MYO1D: variants seen among roughly 807,000 people sequenced by gnomAD.
MYO1D encodes the protein myosin ID.
In MYO1D, 83 loss-of-function variants were observed where a neutral mutation model predicts 122.0. That is an observed-to-expected ratio of 0.68 (90% CI 0.57 to 0.82). The LOEUF (loss-of-function observed/expected upper bound fraction) is 0.82. Ranked by LOEUF, MYO1D falls within the 40% of genes least tolerant of loss-of-function variation. The pLI is 0.00. For synonymous variants in MYO1D, 464 were observed against 446.9 expected (o/e 1.04, Z -0.48); for missense variants, 1,157 against 1,269.5 (o/e 0.91, Z 1.35).
intron 1 of MYO1D, among the ~76,000 whole-genome samples, chr17:32,799,629 TTTC>T (rs1555543462): frequency 6.6e-6 from 1 of 151,922 alleles, no homozygotes; most frequent in African/African-American, 2.4e-5. Context: ...TGGGCAGTGA[TTTC>T]TTGGATATAA....
chr17:32,848,563 A>G (rs2470230), intron 1 of MYO1D, among the ~76,000 whole-genome samples: 61,449 of 152,112 alleles, frequency 0.4, 12,807 homozygotes, highest in East Asian at 0.53. Context: ...CAAGAAGACT[A>G]AATGTTTTGT....
chr17:32,858,262 A>G (rs947342241), intron 1 of MYO1D, among the ~76,000 whole-genome samples: 1 of 152,224 alleles, frequency 6.6e-6, no homozygotes, highest in Non-Finnish European at 1.5e-5. Context: ...GTTCCAAAAT[A>G]CAACTATCAA....
intron 19 of MYO1D, among the ~76,000 whole-genome samples, chr17:32,644,539 GT>G (rs1173842813): frequency 6.6e-6 from 1 of 152,164 alleles, no homozygotes; most frequent in African/African-American, 2.4e-5. Context: ...TTATTATTGT[GT>G]GGGAGTCTAA....
intron 3 of MYO1D, among the ~76,000 whole-genome samples, chr17:32,776,747 T>C (rs550367952): frequency 6.6e-6 from 1 of 152,356 alleles, no homozygotes; most frequent in African/African-American, 2.4e-5. Flanking sequence ...TGAAGCTGTA[T>C]GGAATTTCTC....
At chr17:32,870,596 C>T (rs954037539) in intron 1 of MYO1D, among the ~76,000 whole-genome samples, 1 of 83,592 alleles carries the variant, frequency 1.2e-5, no homozygotes, top group African/African-American at 4.7e-5. Context: ...AGATTGTCTG[C>T]TAAAAAAAAA....
chr17:32,537,361 C>G (rs966577786), intron 21 of MYO1D, among the ~76,000 whole-genome samples: 9 of 152,140 alleles, frequency 5.9e-5, no homozygotes, highest in Non-Finnish European at 1.2e-4. Flanking sequence ...TCCATATTGT[C>G]CGTGGCTGCT....
At chr17:32,809,146 A>C (rs151327534) in intron 1 of MYO1D, among the ~76,000 whole-genome samples, 4,004 of 151,692 alleles carry the variant, frequency 0.026, 92 homozygotes, top group Admixed American at 0.058. Flanking sequence ...AAAAAAAAAA[A>C]AAAAACTGTC....
chr17:32,758,055 A>G (rs145479256), intron 10 of MYO1D, among the ~76,000 whole-genome samples: 1 of 152,288 alleles, frequency 6.6e-6, no homozygotes, highest in East Asian at 1.9e-4. Context: ...CACACAGTCT[A>G]TGAAATGGGC....
intron 21 of MYO1D, among the ~76,000 whole-genome samples, chr17:32,547,772 C>T (rs2086976248): frequency 6.6e-6 from 1 of 152,054 alleles, no homozygotes; most frequent in South Asian, 2.1e-4. Flanking sequence ...CATGGCGAAA[C>T]CCTGAATCTA....
chr17:32,567,980 C>G (rs116938163), intron 21 of MYO1D, among the ~76,000 whole-genome samples: 1 of 152,126 alleles, frequency 6.6e-6, no homozygotes, highest in Non-Finnish European at 1.5e-5. Flanking sequence ...TTGGTGAAAC[C>G]TATTTGCAAG....
Position 32,677,580 on chromosome 17 carries a change from AATATATATATATATAT to A in MYO1D, c.2122-18258_2122-18243del, listed in dbSNP as rs10523328. The stretch of plus-strand genomic sequence containing the variant: ...TCATCAGGGGATATATAGATAGATA[AATATATATATATATAT>A]ATATATATATATATATATATATATA... On this transcript the variant is annotated intron_variant, in intron 16 of 21. Coordinates refer to ENST00000318217, the MANE Select transcript of MYO1D (RefSeq NM_015194.3). Among the ~76,000 whole-genome samples, 867 of 135,884 alleles carry A rather than the reference AATATATATATATATAT, an allele frequency of 6.4e-3. 9 individuals carry two copies. The highest frequency in any genetic ancestry group is 0.027 in the Middle Eastern group (7 of 260). 89.1% of individuals were successfully genotyped at this position (135,884 alleles called of 152,430 possible).
chr17:32,657,378 C>T (rs1218474907), intron 17 of MYO1D, among the ~76,000 whole-genome samples: 3 of 152,246 alleles, frequency 2.0e-5, no homozygotes, highest in Non-Finnish European at 4.4e-5. Context: ...TGTCTTGGTA[C>T]TGCCCACAAG....
chr17:32,861,242 T>G (rs1353556245), intron 1 of MYO1D, among the ~76,000 whole-genome samples: 1 of 152,000 alleles, frequency 6.6e-6, no homozygotes, highest in Non-Finnish European at 1.5e-5. Context: ...ATTTTTTGTA[T>G]TTTTAGTAGA....
At chr17:32,538,945 G>A (rs888274595) in intron 21 of MYO1D, among the ~76,000 whole-genome samples, 11 of 152,086 alleles carry the variant, frequency 7.2e-5, no homozygotes, top group Non-Finnish European at 1.6e-4. Context: ...ACAAGAGGCC[G>A]GTTGTGGGTG....
chr17:32,650,294 C>T (rs915980280), intron 19 of MYO1D, among the ~76,000 whole-genome samples: 2 of 152,156 alleles, frequency 1.3e-5, no homozygotes, highest in African/African-American at 4.8e-5. Context: ...AAATTGGATG[C>T]ATACTTTCTT....
intron 21 of MYO1D, among the ~76,000 whole-genome samples, chr17:32,511,032 G>C (rs1287789905): frequency 6.6e-6 from 1 of 151,924 alleles, no homozygotes; most frequent in African/African-American, 2.4e-5. Context: ...TGAGACAGCA[G>C]TTGTGAGCAG....
intron 21 of MYO1D, among the ~76,000 whole-genome samples, chr17:32,508,129 T>C (rs1275353131): frequency 6.6e-6 from 1 of 151,726 alleles, no homozygotes; most frequent in African/African-American, 2.4e-5. Context: ...ACTCCTGACC[T>C]CATAATCTGC....
chr17:32,772,197 G>C (rs377689633), intron 5 of MYO1D, among the ~76,000 whole-genome samples: 70 of 152,254 alleles, frequency 4.6e-4, no homozygotes, highest in Non-Finnish European at 8.5e-4. Flanking sequence ...TTTTCTAAGT[G>C]TAAAGACTTG....
intron 21 of MYO1D, among the ~76,000 whole-genome samples, chr17:32,576,119 CA>C (rs1335628894): frequency 6.6e-6 from 1 of 152,108 alleles, no homozygotes; most frequent in East Asian, 1.9e-4. Context: ...TTAGGTAGAT[CA>C]GGGGTGAGTC....
Sources: gnomAD v4.1 joint callset for allele counts (sites outside exome capture counted in the v4.1 genomes callset) on GRCh38, gnomAD v4.1.1 for gene constraint, MANE v1.5 for transcripts, NCBI Gene and HGNC (gene_info 2026-07-23, HGNC 2026-07-21) for gene names.